The following BRINP1 variants were observed in gnomAD, a reference collection of about 807,000 sequenced individuals.
BRINP1 encodes BMP/retinoic acid inducible neural specific 1.
In BRINP1, 17 loss-of-function variants were observed where a neutral mutation model predicts 72.9. That is an observed-to-expected ratio of 0.23 (90% CI 0.16 to 0.35). BRINP1 has a LOEUF of 0.35. BRINP1 is among the 10% of genes least tolerant of loss of function. BRINP1 has a pLI of 1.00. For synonymous variants in BRINP1, 418 were observed against 378.5 expected (o/e 1.10, Z -1.21); for missense variants, 850 against 1,001.6 (o/e 0.85, Z 2.04).
chr9:119,352,134 T>A (rs2119033632), intron 1 of BRINP1, among the ~76,000 whole-genome samples: 1 of 152,266 alleles, frequency 6.6e-6, no homozygotes, highest in South Asian at 2.1e-4. Context: ...TAAATGTTTG[T>A]CTTAGGTATC....
At chr9:119,303,482 C>T (rs553908826) in intron 2 of BRINP1, among the ~76,000 whole-genome samples, 16 of 152,122 alleles carry the variant, frequency 1.1e-4, no homozygotes, top group Non-Finnish European at 1.9e-4. Context: ...TTCCTATCAC[C>T]TGGGCTGATT....
At chr9:119,196,544 C>T (rs1829740314) in intron 7 of BRINP1, among the ~76,000 whole-genome samples, 1 of 152,062 alleles carries the variant, frequency 6.6e-6, no homozygotes, top group Admixed American at 6.6e-5. Context: ...ATATTTAATC[C>T]CTCCATAATT....
At chr9:119,361,144 TTCTC>T (rs1304241222) in intron 1 of BRINP1, among the ~76,000 whole-genome samples, 6 of 152,262 alleles carry the variant, frequency 3.9e-5, no homozygotes, top group Admixed American at 2.0e-4. Context: ...ACTCTTCACT[TTCTC>T]TCTCATACCC....
chr9:119,299,085 TCTA>T (rs1265645019), intron 2 of BRINP1, among the ~76,000 whole-genome samples: 3 of 152,158 alleles, frequency 2.0e-5, no homozygotes. Flanking sequence ...AAGCTTAAAA[TCTA>T]CTATCACATT....
intron 7 of BRINP1, among the ~76,000 whole-genome samples, chr9:119,169,367 C>T (rs560785535): frequency 6.6e-6 from 1 of 152,032 alleles, no homozygotes; most frequent in South Asian, 2.1e-4. Flanking sequence ...AAAGGGGTGA[C>T]TGACGGCACC....
intron 2 of BRINP1, among the ~76,000 whole-genome samples, chr9:119,288,869 C>T (rs1331676545): frequency 6.6e-6 from 1 of 152,062 alleles, no homozygotes; most frequent in Non-Finnish European, 1.5e-5. Flanking sequence ...AATCTTGGCT[C>T]ACTGCAACCT....
At chr9:119,225,153 A>C (rs1830077040) in intron 5 of BRINP1, among the ~76,000 whole-genome samples, 1 of 152,184 alleles carries the variant, frequency 6.6e-6, no homozygotes, top group South Asian at 2.1e-4. Flanking sequence ...TGACCAATAA[A>C]TGAAAAACTA....
intron 2 of BRINP1, among the ~76,000 whole-genome samples, chr9:119,264,345 G>A (rs923770251): frequency 1.3e-5 from 2 of 152,216 alleles, no homozygotes; most frequent in African/African-American, 4.8e-5. Flanking sequence ...TGGTCCCCCT[G>A]ATTCTACCTT....
intron 2 of BRINP1, among the ~76,000 whole-genome samples, chr9:119,279,237 C>T (rs1830685330): frequency 6.6e-6 from 1 of 152,320 alleles, no homozygotes; most frequent in East Asian, 1.9e-4. Flanking sequence ...ACAAACATCA[C>T]CTAATGGATG....
chr9:119,241,252 AC>A (rs1312599919), intron 4 of BRINP1, among the ~76,000 whole-genome samples: 2 of 152,344 alleles, frequency 1.3e-5, no homozygotes, highest in Non-Finnish European at 2.9e-5. Context: ...TAGCACAGAT[AC>A]AGGGCCTTTC....
rs764922655 is a variant in BRINP1, at chr9:119,168,275, T to G, written c.1146-51A>C. ...AGGTTAGCTACCATGAGTGGGTCTG[T>G]GAGTTACAGTTATCCAACTGATAAT... On this transcript the variant is annotated intron_variant, in intron 7 of 7. Coordinates refer to ENST00000265922, the MANE Select transcript of BRINP1 (RefSeq NM_014618.3). The G allele has an allele frequency of 2.0e-5, 28 of 1,389,548 alleles. 1 individual carries two copies. In the South Asian group the frequency reaches 4.1e-4, roughly 20 times the overall value. The allele number at this position is 1,389,548 out of a possible 1,614,324, so 86.1% of individuals were successfully genotyped here.
At chr9:119,249,738 C>T (rs1830358381) in intron 2 of BRINP1, among the ~76,000 whole-genome samples, 1 of 151,076 alleles carries the variant, frequency 6.6e-6, no homozygotes, top group African/African-American at 2.4e-5. Context: ...TAACCCAGCC[C>T]TGTATATAGC....
At chr9:119,323,256 C>G (rs941161269) in intron 1 of BRINP1, among the ~76,000 whole-genome samples, 3 of 152,160 alleles carry the variant, frequency 2.0e-5, no homozygotes, top group African/African-American at 7.2e-5. Flanking sequence ...GTGTCTAACT[C>G]ACATCAGAGA....
intron 1 of BRINP1, among the ~76,000 whole-genome samples, chr9:119,325,904 T>C (rs920289168): frequency 6.6e-6 from 1 of 152,200 alleles, no homozygotes; most frequent in Non-Finnish European, 1.5e-5. Context: ...CTGAACACAC[T>C]GTAAATCTCC....
chr9:119,230,927 TC>T (rs750667524), intron 5 of BRINP1, among the ~76,000 whole-genome samples: 1 of 151,838 alleles, frequency 6.6e-6, no homozygotes, highest in Non-Finnish European at 1.5e-5. Context: ...CTCCTAATGA[TC>T]TCTATCCTCC....
intron 5 of BRINP1, among the ~76,000 whole-genome samples, chr9:119,237,833 T>G (rs1473172884): frequency 6.6e-6 from 1 of 151,986 alleles, no homozygotes; most frequent in African/African-American, 2.4e-5. Context: ...AGCTAATTTT[T>G]GTATTTTTAG....
At chr9:119,239,245 T>C (rs533981190) in intron 4 of BRINP1, among the ~76,000 whole-genome samples, 6 of 152,294 alleles carry the variant, frequency 3.9e-5, no homozygotes, top group Admixed American at 2.0e-4. Context: ...TGTTCCATAA[T>C]GGGTACCTTA....
At chr9:119,274,225 T>A (rs543231537) in intron 2 of BRINP1, among the ~76,000 whole-genome samples, 1 of 152,322 alleles carries the variant, frequency 6.6e-6, no homozygotes, top group African/African-American at 2.4e-5. Context: ...GGCAGTTGTT[T>A]CCTAGCTCAG....
chr9:119,327,526 C>A (rs956783168), intron 1 of BRINP1, among the ~76,000 whole-genome samples: 2 of 152,142 alleles, frequency 1.3e-5, no homozygotes, highest in Non-Finnish European at 2.9e-5. Context: ...AGCTTTATGT[C>A]AGAGTTTCAT....
Sources: gnomAD v4.1 joint callset for allele counts (sites outside exome capture counted in the v4.1 genomes callset) on GRCh38, gnomAD v4.1.1 for gene constraint, MANE v1.5 for transcripts, NCBI Gene and HGNC (gene_info 2026-07-23, HGNC 2026-07-21) for gene names.